Variants in FAM227A observed in about 807,000 individuals in gnomAD.
FAM227A encodes the protein family with sequence similarity 227 member A, also known as protein FAM227A.
In FAM227A, 80 loss-of-function variants were observed where a neutral mutation model predicts 74.7. That is an observed-to-expected ratio of 1.07 (90% CI 0.89 to 1.29). The LOEUF (loss-of-function observed/expected upper bound fraction) is 1.29, where lower values mean the gene tolerates loss of function less well. Ranked by LOEUF, FAM227A falls within the 50% of genes most tolerant of loss-of-function variation. The pLI, the probability that FAM227A is intolerant of heterozygous loss-of-function variation, is 0.00. For missense variants in FAM227A, 654 were observed against 683.4 expected, an observed-to-expected ratio of 0.96 and a Z score of 0.48; for synonymous variants, 237 against 241.8, an observed-to-expected ratio of 0.98 and a Z score of 0.19.
rs554048282 is a variant in FAM227A, at chr22:38,591,237, T to C, written c.1638+198A>G. On this transcript the variant is annotated intron_variant, in intron 16 of 16. Coordinates refer to ENST00000535113, the MANE Select transcript of FAM227A (RefSeq NM_001013647.2). The stretch of plus-strand genomic sequence containing the variant: ...TACTCAGGAGGCTGAAGTGGGAGGA[T>C]TGCTTGAGCCCAGGAGGTGGAGGCT... 3.6e-5 allele frequency: 38 copies of C among 1,061,756 alleles called. No homozygotes were observed. The Middle Eastern group carries it at 2.0e-3, about 57-fold the overall frequency. The allele number at this position is 1,061,756 out of a possible 1,614,324, so 65.8% of individuals were successfully genotyped here. A position where few individuals can be genotyped will look rare whatever the true frequency, so the allele number is the denominator to read the frequency against.
chr22:38,642,625 A>T (rs1198906306), intron 3 of FAM227A, among the ~76,000 whole-genome samples: 1 of 152,252 alleles, frequency 6.6e-6, no homozygotes, highest in Non-Finnish European at 1.5e-5. Flanking sequence ...AAAATCCAAC[A>T]AAAGGCTGTT....
intron 6 of FAM227A, among the ~76,000 whole-genome samples, chr22:38,634,309 C>A (rs1045546222): frequency 8.7e-5 from 13 of 148,844 alleles, no homozygotes; most frequent in African/African-American, 1.2e-4. Context: ...GAAATGTTAA[C>A]ATACACTCTT....
At chr22:38,600,017 T>C in intron 13 of FAM227A, 96 bp from the exon 14 acceptor site, 2 of 1,138,154 alleles carry the variant, frequency 1.8e-6, no homozygotes, top group Non-Finnish European at 2.4e-6. Context: ...TGTCCTTTGA[T>C]CCAGTAATTC....
At chr22:38,646,073 C>T (rs1223153940) in intron 2 of FAM227A, among the ~76,000 whole-genome samples, 2 of 152,096 alleles carry the variant, frequency 1.3e-5, no homozygotes, top group Non-Finnish European at 2.9e-5. Flanking sequence ...GCATGAGCCA[C>T]CGCACCTAGC....
chr22:38,646,277 T>TG lies in FAM227A; in HGVS notation c.143-633dup, dbSNP rs1282908014. Among the ~76,000 whole-genome samples the TG allele has an allele frequency of 5.7e-5, 6 of 105,808 alleles. No individual in the cohort carries two copies. In the East Asian group the frequency reaches 1.8e-3, roughly 31 times the overall value. 69.4% of individuals were successfully genotyped at this position (105,808 alleles called of 152,430 possible). On this transcript the variant is annotated intron_variant, in intron 2 of 16. Transcript: ENST00000535113. The stretch of plus-strand genomic sequence containing the variant: ...TTTTTTTTTTTTTTTTTTTTTTTTT[T>TG]GAGACGGAGTCTCGCTCTGTCGCCC...
intron 3 of FAM227A, among the ~76,000 whole-genome samples, chr22:38,640,858 C>T (rs2092100231): frequency 6.6e-6 from 1 of 152,016 alleles, no homozygotes; most frequent in African/African-American, 2.4e-5. Flanking sequence ...ATCAGCACTC[C>T]CTGGTCTGCA....
chr22:38,626,936 T>G (rs945656138), intron 8 of FAM227A, among the ~76,000 whole-genome samples: 10 of 121,812 alleles, frequency 8.2e-5, no homozygotes, highest in South Asian at 2.6e-4. Context: ...ATTCTATATA[T>G]AGAGAGAGAA....
intron 14 of FAM227A, among the ~76,000 whole-genome samples, chr22:38,597,971 A>C (rs5750635): frequency 0.25 from 37,746 of 148,658 alleles, 5,115 homozygotes; most frequent in East Asian, 0.36. Context: ...TGAACCCAGG[A>C]GGCGGAAGTT....
rs1479752617 is a variant in FAM227A at position 38,580,425 on chromosome 22, G to C, written c.*5700C>G. Reference sequence around the variant, plus strand: ...TCCTGTTATGGTGGTTGGATCTAGAGTTCAGATCACATTCAAGTTTACTTA... The same window carrying C: ...TCCTGTTATGGTGGTTGGATCTAGACTTCAGATCACATTCAAGTTTACTTA... On this transcript the variant is annotated 3_prime_UTR_variant, in exon 17 of 17. Transcript: ENST00000535113. The C allele has an allele frequency of 1.3e-5, 2 of 152,170 alleles. No homozygotes were observed. Among genetic ancestry groups the C allele is most frequent in the East Asian group, 1.9e-4 (1 of 5,198 alleles). 9.4% of individuals were successfully genotyped at this position (152,170 alleles called of 1,614,324 possible). A position where few individuals can be genotyped will look rare whatever the true frequency, so the allele number is the denominator to read the frequency against.
At chr22:38,640,137 C>A (rs2145674241) in intron 3 of FAM227A, among the ~76,000 whole-genome samples, 1 of 152,186 alleles carries the variant, frequency 6.6e-6, no homozygotes, top group East Asian at 1.9e-4. Context: ...GGGTTCACCC[C>A]ATTCTCCTGC....
At chr22:38,654,115 G>A (rs1043699871) in intron 1 of FAM227A, among the ~76,000 whole-genome samples, 5 of 152,062 alleles carry the variant, frequency 3.3e-5, no homozygotes, top group Non-Finnish European at 7.4e-5. Context: ...TTAGGAGGCC[G>A]AGGCAGGCGG....
At chr22:38,648,078 G>C (rs5757202) in intron 2 of FAM227A, among the ~76,000 whole-genome samples, 1 of 152,012 alleles carries the variant, frequency 6.6e-6, no homozygotes, top group African/African-American at 2.4e-5. Context: ...GAAAGACCTG[G>C]GGTTATTTAT....
At chr22:38,626,889 A>AAAAAAAATAT (rs2091817048) in intron 8 of FAM227A, among the ~76,000 whole-genome samples, 1 of 86,538 alleles carries the variant, frequency 1.2e-5, no homozygotes, top group African/African-American at 5.6e-5. Context: ...AAAAAAAAAA[A>AAAAAAAATAT]AAATATATAT....
intron 9 of FAM227A, among the ~76,000 whole-genome samples, chr22:38,624,128 T>C (rs2091747626): frequency 6.6e-6 from 1 of 152,136 alleles, no homozygotes; most frequent in Non-Finnish European, 1.5e-5. Flanking sequence ...GAATCAACAC[T>C]TGTTCAGTGC....
chr22:38,628,907 T>G lies in FAM227A; in HGVS notation c.548A>C (p.Lys183Thr), dbSNP rs2091862649. 2 of 1,538,134 alleles carry G rather than the reference T, an allele frequency of 1.3e-6. No individual in the cohort carries two copies. The highest frequency in any genetic ancestry group is 2.8e-5 in the African/African-American group (2 of 72,424). ...TCTTGGAGAAGAAGAAGAGAGAAAC[T>G]TCTCTAATTCTCTACCTGAACAGAA... ...KHFCSGRELE[K>T]FLSSSSPRAI... The change falls in exon 7 of 17, where the codon AAG (lysine) becomes ACG (threonine). Residue 183 changes from lysine (K) to threonine (T), a missense_variant. Coordinates refer to ENST00000535113, the MANE Select transcript of FAM227A (RefSeq NM_001013647.2).
rs760936936 is a variant in FAM227A, at chr22:38,585,272, T to C, written c.*853A>G. On this transcript the variant is annotated 3_prime_UTR_variant, in exon 17 of 17. Transcript: ENST00000535113. The stretch of plus-strand genomic sequence containing the variant: ...ATTTTAGATTAAATCAGACAACATG[T>C]GCATGCTTTACCTATAAAGTTTCTC... The C allele has an allele frequency of 3.9e-5, 6 of 152,172 alleles. No homozygotes were observed. The highest frequency in any genetic ancestry group is 7.3e-5 in the Non-Finnish European group (5 of 68,040). The allele number at this position is 152,172 out of a possible 1,614,324, so 9.4% of individuals were successfully genotyped here. A position where few individuals can be genotyped will look rare whatever the true frequency, so the allele number is the denominator to read the frequency against.
chr22:38,646,657 A>T (rs187601164), intron 2 of FAM227A, among the ~76,000 whole-genome samples: 2,141 of 144,548 alleles, frequency 0.015, 45 homozygotes, highest in African/African-American at 0.043. Flanking sequence ...TATTATTATT[A>T]TTTTTTTTTT....
At position 38,636,467 on chromosome 22, in the gene FAM227A, T is replaced by C; in HGVS notation, c.503A>G (p.Asp168Gly). ...MVGNVVRAERDCLSGKHFCSG... is the reference protein window; with the variant it reads ...MVGNVVRAERGCLSGKHFCSG... The stretch of plus-strand genomic sequence containing the variant: ...TTTCCTCACCTTGCCACTAAGGCAG[T>C]CTCTCTCAGCCCGGACCACGTTGCC... The change falls in exon 6 of 17, where the codon GAC becomes GGC. Residue 168 changes from aspartate (D) to glycine (G), a missense_variant. Coordinates refer to ENST00000535113, the MANE Select transcript of FAM227A (RefSeq NM_001013647.2). The C allele has an allele frequency of 6.4e-7, 1 of 1,551,260 alleles. No homozygotes were observed. The highest frequency in any genetic ancestry group is 8.7e-7 in the Non-Finnish European group (1 of 1,146,800).
chr22:38,649,758 C>T (rs5750650), intron 2 of FAM227A, among the ~76,000 whole-genome samples: 1 of 151,470 alleles, frequency 6.6e-6, no homozygotes, highest in East Asian at 1.9e-4. Context: ...ATTTCAGCTA[C>T]TCAGGAGGCT....
Sources: gnomAD v4.1 joint callset for allele counts (sites outside exome capture counted in the v4.1 genomes callset) on GRCh38, gnomAD v4.1.1 for gene constraint, MANE v1.5 for transcripts, NCBI Gene and HGNC (gene_info 2026-07-23, HGNC 2026-07-21) for gene names.